Variants in EDNRA observed in about 807,000 individuals in gnomAD.
EDNRA encodes endothelin receptor type A.
In EDNRA, 11 loss-of-function variants were observed where a neutral mutation model predicts 41.4. That is an observed-to-expected ratio of 0.27 (90% CI 0.17 to 0.44). EDNRA has a LOEUF of 0.44. EDNRA is among the 20% of genes least tolerant of loss of function. EDNRA has a pLI of 1.00. For missense variants in EDNRA, 294 were observed against 531.0 expected (o/e 0.55, Z 4.39); for synonymous variants, 172 against 183.0 (o/e 0.94, Z 0.49).
intron 4 of EDNRA, among the ~76,000 whole-genome samples, chr4:147,535,411 CG>C (rs541792577): frequency 6.6e-6 from 1 of 152,164 alleles, no homozygotes; most frequent in Non-Finnish European, 1.5e-5. Context: ...ATAAGCCATT[CG>C]TAACCTTCAC....
intron 6 of EDNRA, 151 bp downstream of exon 6, chr4:147,540,101 C>G (rs1007351755): frequency 1.8e-6 from 2 of 1,137,122 alleles, no homozygotes; most frequent in Admixed American, 5.7e-5. Context: ...TAGCCTATAA[C>G]TGATCCCAAA....
At chr4:147,539,051 A>C (rs1731010967) in intron 5 of EDNRA, among the ~76,000 whole-genome samples, 1 of 152,120 alleles carries the variant, frequency 6.6e-6, no homozygotes, top group African/African-American at 2.4e-5. Context: ...GCAGACTGAA[A>C]GGCATGCAAA....
intron 4 of EDNRA, among the ~76,000 whole-genome samples, chr4:147,534,466 T>C (rs10305910): frequency 0.015 from 2,237 of 152,314 alleles, 69 homozygotes; most frequent in African/African-American, 0.05. Context: ...AACAACATGT[T>C]TATTTTCACT....
At chr4:147,511,061 A>G (rs1045239737) in intron 2 of EDNRA, among the ~76,000 whole-genome samples, 1 of 152,196 alleles carries the variant, frequency 6.6e-6, no homozygotes, top group Non-Finnish European at 1.5e-5. Context: ...CTAGACTGGA[A>G]GCCAGCATTT....
rs1730787182 is a variant in EDNRA at position 147,532,581 on chromosome 4, C to T, written c.624C>T (p.Ser208=). 2 of 1,614,084 alleles carry T rather than the reference C, an allele frequency of 1.2e-6. No homozygotes were observed. The highest frequency in any genetic ancestry group is 1.7e-6 in the Non-Finnish European group (2 of 1,180,022). ...IPLVTAIEIV[S]IWILSFILAI... ...TGGTAACTGCCATTGAAATTGTCTCCATCTGGATCCTGTCCTTTATCCTGG... is the reference window on the plus strand; with the variant it reads ...TGGTAACTGCCATTGAAATTGTCTCTATCTGGATCCTGTCCTTTATCCTGG... Residue 208 remains serine, a synonymous_variant, in exon 4 of 8, where the codon TCC becomes TCT. Transcript: ENST00000651419.
chr4:147,542,531 C>T lies in EDNRA; in HGVS notation c.1197C>T (p.Pro399=), dbSNP rs202084563. The change falls in exon 8 of 8, where the codon CCC becomes CCT. Residue 399 remains proline (P), a synonymous_variant. Coordinates refer to ENST00000651419, the MANE Select transcript of EDNRA (RefSeq NM_001957.4). ...YQSKSLMTSV[P]MNGTSIQWKN... ...CCAAAAGTCTGATGACCTCGGTCCC[C>T]ATGAACGGAACAAGCATCCAGTGGA... 1.9e-6 allele frequency: 3 copies of T among 1,614,162 alleles called. No individual in the cohort carries two copies. The highest frequency in any genetic ancestry group is 2.5e-6 in the Non-Finnish European group (3 of 1,180,026).
intron 3 of EDNRA, 76 bp downstream of exon 3, chr4:147,520,054 G>A (rs2126449227): frequency 6.5e-7 from 1 of 1,530,214 alleles, no homozygotes; most frequent in Non-Finnish European, 8.8e-7. Flanking sequence ...AAAGTCAAGA[G>A]AATTCGTGCC....
chr4:147,535,853 CTTTT>C lies in EDNRA; in HGVS notation c.748-14_748-11del, dbSNP rs113823592. 3 of 1,248,562 alleles carry C rather than the reference CTTTT, an allele frequency of 2.4e-6. No homozygotes were observed. The highest frequency in any genetic ancestry group is 1.4e-5 in the South Asian group (1 of 70,664). The allele number at this position is 1,248,562 out of a possible 1,614,324, so 77.3% of individuals were successfully genotyped here. Reference sequence around the variant, plus strand: ...GACATGACTCTGCTCCTCCTTTTCTCTTTTTTTTTTTTTCACTTTGAAGTTCTAC... The same window carrying C: ...GACATGACTCTGCTCCTCCTTTTCTCTTTTTTTTTCACTTTGAAGTTCTAC... On this transcript the variant is annotated intron_variant, in intron 4 of 7. Coordinates refer to ENST00000651419, the MANE Select transcript of EDNRA (RefSeq NM_001957.4).
Position 147,490,512 on chromosome 4 carries a change from A to G in EDNRA, c.420+4411A>G, listed in dbSNP as rs931098969. The G allele has an allele frequency of 6.6e-5, 10 of 152,300 alleles. No individual in the cohort carries two copies. The East Asian group carries it at 1.9e-3, about 29-fold the overall frequency. The allele number at this position is 152,300 out of a possible 1,614,324, so 9.4% of individuals were successfully genotyped here. On this transcript the variant is annotated intron_variant, in intron 2 of 7. Transcript: ENST00000651419. ...TTCATTCTTGTCAATAAATTACATT[A>G]TCTGATATCCTAAATTTTCAAGAAA...
intron 4 of EDNRA, 36 bp from the exon 5 acceptor site, chr4:147,535,841 T>C (rs1578815312): frequency 6.3e-7 from 1 of 1,590,812 alleles, no homozygotes; most frequent in Non-Finnish European, 8.5e-7. Context: ...ATGACTCTGC[T>C]CCTCCTTTTC....
intron 3 of EDNRA, among the ~76,000 whole-genome samples, chr4:147,523,946 G>A (rs1299920680): frequency 2.6e-5 from 4 of 152,058 alleles, no homozygotes; most frequent in African/African-American, 9.7e-5. Flanking sequence ...TTGGCCAAGA[G>A]GAGGAGTCCA....
chr4:147,505,327 A>ATTTTTTTTTT lies in EDNRA; in HGVS notation c.421-14505_421-14496dup, dbSNP rs869077171. Among the ~76,000 whole-genome samples, 158 of 79,674 alleles carry ATTTTTTTTTT rather than the reference A, an allele frequency of 2.0e-3. 11 individuals are homozygous for ATTTTTTTTTT. Among genetic ancestry groups the ATTTTTTTTTT allele is most frequent in the African/African-American group, 4.5e-3 (85 of 18,894 alleles). 52.3% of individuals were successfully genotyped at this position (79,674 alleles called of 152,430 possible). The stretch of plus-strand genomic sequence containing the variant: ...AGAGAGTTTGGCAGTTTCTTTTTTC[A>ATTTTTTTTTT]TTTTTTTTTTTTTTTTTTTTTTTTT... On this transcript the variant is annotated intron_variant, in intron 2 of 7. Transcript: ENST00000651419.
chr4:147,522,811 A>G (rs1449437092), intron 3 of EDNRA, among the ~76,000 whole-genome samples: 1 of 152,250 alleles, frequency 6.6e-6, no homozygotes. Context: ...ATGACCCGTG[A>G]CACAGCCTCA....
chr4:147,497,611 GC>G (rs1318973032), intron 2 of EDNRA, among the ~76,000 whole-genome samples: 1 of 151,242 alleles, frequency 6.6e-6, no homozygotes, highest in Non-Finnish European at 1.5e-5. Flanking sequence ...TCGCTCTGTC[GC>G]CCAGGCTGGA....
intron 1 of EDNRA, among the ~76,000 whole-genome samples, chr4:147,484,377 C>G (rs1728873917): frequency 6.6e-6 from 1 of 152,124 alleles, no homozygotes; most frequent in South Asian, 2.1e-4. Context: ...ATTTTACATA[C>G]AAATAAAGCA....
At chr4:147,530,675 A>G (rs1730710904) in intron 3 of EDNRA, among the ~76,000 whole-genome samples, 1 of 152,214 alleles carries the variant, frequency 6.6e-6, no homozygotes, top group Non-Finnish European at 1.5e-5. Flanking sequence ...ATTCTGGTGA[A>G]GAAACAGTCA....
At chr4:147,522,417 AG>A (rs1730358035) in intron 3 of EDNRA, among the ~76,000 whole-genome samples, 1 of 152,114 alleles carries the variant, frequency 6.6e-6, no homozygotes, top group African/African-American at 2.4e-5. Flanking sequence ...AGGCATCTAT[AG>A]TCCCAGCTGC....
chr4:147,515,085 A>G (rs150992947), intron 2 of EDNRA, among the ~76,000 whole-genome samples: 2 of 152,270 alleles, frequency 1.3e-5, no homozygotes, highest in East Asian at 3.9e-4. Context: ...ACTATTCACA[A>G]CCTTGGCTGT....
chr4:147,524,864 C>G (rs1022946107), intron 3 of EDNRA, among the ~76,000 whole-genome samples: 2 of 151,880 alleles, frequency 1.3e-5, no homozygotes, highest in African/African-American at 4.8e-5. Context: ...TTTGCTTTAA[C>G]TCTTAATTTG....
Sources: allele counts gnomAD v4.1 joint callset (sites outside exome capture counted in the v4.1 genomes callset), GRCh38; gene constraint gnomAD v4.1.1; transcripts MANE v1.5; gene names NCBI Gene and HGNC (gene_info 2026-07-23, HGNC 2026-07-21).